The following MTERF4 variants were observed in gnomAD, a reference collection of about 807,000 sequenced individuals.
MTERF4 encodes the protein mitochondrial transcription termination factor 4.
MTERF4 carries 17 observed loss-of-function variants against 22.5 expected under a neutral mutation model. The ratio of observed to expected loss-of-function variants is 0.75; its 90% CI spans 0.52 to 1.13. The LOEUF (loss-of-function observed/expected upper bound fraction) is 1.13. Among genes scored for constraint, MTERF4 ranks in the 50% most tolerant of loss-of-function variants. MTERF4 has a pLI of 0.00. For synonymous variants in MTERF4, 165 were observed against 175.3 expected (o/e 0.94, Z 0.47); for missense variants, 420 against 466.8 (o/e 0.90, Z 0.92).
At chr2:241,071,806 C>T (rs1265273946), downstream of MTERF4, 3 of 1,597,328 alleles carry the variant, frequency 1.9e-6, no homozygotes, top group Non-Finnish European at 2.6e-6. Context: ...GTTCTCGGAG[C>T]TTGTGGACGG....
chr2:241,082,509 T>TC, downstream of MTERF4: 1 of 624,550 alleles, frequency 1.6e-6, no homozygotes, highest in Non-Finnish European at 2.9e-6. Context: ...ATCGATTCCC[T>TC]CCATGTCACA....
downstream of MTERF4, among the ~76,000 whole-genome samples, chr2:241,067,399 T>C (rs2062501789): frequency 6.6e-6 from 1 of 152,144 alleles, no homozygotes; most frequent in Non-Finnish European, 1.5e-5. Flanking sequence ...TAGACCAAAA[T>C]AGTCAACTGG....
downstream of MTERF4, chr2:241,090,251 C>A (rs1415037097): frequency 4.6e-6 from 7 of 1,511,604 alleles, no homozygotes; most frequent in Non-Finnish European, 6.2e-6. Flanking sequence ...AACTAAGACA[C>A]AAACACACAC....
intron 2 of MTERF4, among the ~76,000 whole-genome samples, chr2:241,098,703 GAC>G (rs1217561154): frequency 6.6e-6 from 1 of 152,216 alleles, no homozygotes; most frequent in Non-Finnish European, 1.5e-5. Flanking sequence ...ACATCACAGA[GAC>G]AGAGCACTAA....
chr2:241,101,337 A>AGACC, intron 1 of MTERF4: 1 of 329,892 alleles, frequency 3.0e-6, no homozygotes, highest in South Asian at 2.4e-5. Context: ...GTGAGAATCT[A>AGACC]AGGCGGCTGG....
chr2:241,096,078 T>A lies in MTERF4; in HGVS notation c.1066A>T (p.Asn356Tyr). The change falls in exon 4 of 4, where the codon AAT becomes TAT. Residue 356 changes from asparagine (N) to tyrosine (Y), a missense_variant. Transcript: ENST00000391980. The surrounding 1 kb of genome is among the most constrained non-coding windows in gnomAD (Gnocchi z 5.1). ...DDEEDNDEDDNDEDDDDEDDD... is the reference protein window; with the variant it reads ...DDEEDNDEDDYDEDDDDEDDD... ...TCCTCATCATCGTCATCCTCATCAT[T>A]GTCATCCTCATCATTGTCCTCCTCA... The A allele has an allele frequency of 6.2e-7, 1 of 1,602,616 alleles. No individual in the cohort carries two copies. Among genetic ancestry groups the A allele is most frequent in the Non-Finnish European group, 8.5e-7 (1 of 1,178,684 alleles).
exon 5 of MTERF4, chr2:241,074,158 T>A (rs1210684513): frequency 6.6e-6 from 1 of 152,264 alleles, no homozygotes; most frequent in Non-Finnish European, 1.5e-5. Flanking sequence ...GGTAAAGGTG[T>A]GAGCTGCTGA....
the MTERF4 span, among the ~76,000 whole-genome samples, chr2:241,044,250 G>A: frequency 6.6e-6 from 1 of 152,122 alleles, no homozygotes; most frequent in Non-Finnish European, 1.5e-5. Context: ...ACAAATAAAA[G>A]GCAAAGATTG....
the MTERF4 span, chr2:241,048,716 C>G: frequency 1.2e-6 from 2 of 1,612,990 alleles, no homozygotes; most frequent in Non-Finnish European, 1.7e-6. Flanking sequence ...GGCGCCAACA[C>G]CACCCTCTGC....
intron 4 of MTERF4, among the ~76,000 whole-genome samples, chr2:241,076,928 A>G (rs2125274987): frequency 6.6e-6 from 1 of 152,222 alleles, no homozygotes; most frequent in Middle Eastern, 3.4e-3. Context: ...AAATACAAAA[A>G]ATTAGCTGGG....
chr2:241,081,361 G>C (rs2063319454), intron 4 of MTERF4, among the ~76,000 whole-genome samples: 1 of 152,180 alleles, frequency 6.6e-6, no homozygotes, highest in Non-Finnish European at 1.5e-5. Flanking sequence ...TGGGGGCTCA[G>C]CACTGAAGGC....
intron 4 of MTERF4, among the ~76,000 whole-genome samples, chr2:241,081,343 C>A (rs1243480263): frequency 2.6e-5 from 4 of 152,170 alleles, no homozygotes; most frequent in African/African-American, 7.2e-5. Context: ...GGAGGGGCCA[C>A]AGGCCAGTGG....
At chr2:241,081,885 G>T in intron 4 of MTERF4, 3 of 960,898 alleles carry the variant, frequency 3.1e-6, no homozygotes, top group Non-Finnish European at 3.2e-6. Flanking sequence ...TGCCACGGGA[G>T]CCTCCAAACG....
At chr2:241,068,989 G>A (rs1405936619), downstream of MTERF4, 4 of 1,555,414 alleles carry the variant, frequency 2.6e-6, no homozygotes, top group Non-Finnish European at 3.5e-6. The surrounding 1 kb of genome is among the most constrained non-coding windows in gnomAD (Gnocchi z 5.3). Context: ...ACCCCACAGA[G>A]AGCCTGGCCA....
Position 241,102,244 on chromosome 2 carries a change from C to G in MTERF4, c.21+9G>C. ...CCCGGAGAAGCCCGCGCGCCCAGCT[C>G]GAGCTTACCTGACGGCCGAACGCAG... On this transcript the variant is annotated intron_variant, in intron 1 of 3. Coordinates refer to ENST00000391980, the MANE Select transcript of MTERF4 (RefSeq NM_182501.4). The G allele has an allele frequency of 1.9e-6, 3 of 1,549,286 alleles. No homozygotes were observed. Among genetic ancestry groups the G allele is most frequent in the Non-Finnish European group, 2.6e-6 (3 of 1,146,080 alleles).
chr2:241,063,573 C>G, the MTERF4 span: 2 of 1,572,836 alleles, frequency 1.3e-6, no homozygotes, highest in South Asian at 2.3e-5. Context: ...CCTTGACACC[C>G]CTTCTCTGTG....
chr2:241,068,755 G>C (rs979117830), downstream of MTERF4, among the ~76,000 whole-genome samples: 1 of 152,148 alleles, frequency 6.6e-6, no homozygotes, highest in Non-Finnish European at 1.5e-5. This position sits in a 1 kb window ranked among gnomAD's most constrained non-coding sequence, Gnocchi z 5.3. Flanking sequence ...GGCTCTGAGG[G>C]CCATGAGTCT....
At chr2:241,045,494 CCAAA>C in the MTERF4 span, among the ~76,000 whole-genome samples, 26 of 151,972 alleles carry the variant, frequency 1.7e-4, no homozygotes, top group Middle Eastern at 3.4e-3. Context: ...AGAATTAAGC[CCAAA>C]CAAATATAGC....
intron 2 of MTERF4, among the ~76,000 whole-genome samples, chr2:241,098,928 T>C (rs1190480223): frequency 6.6e-6 from 1 of 152,120 alleles, no homozygotes; most frequent in Non-Finnish European, 1.5e-5. Flanking sequence ...TCTCAAAATG[T>C]ATTCTGCACA....
Sources: allele counts gnomAD v4.1 joint callset (sites outside exome capture counted in the v4.1 genomes callset), GRCh38; gene constraint gnomAD v4.1.1; non-coding constraint Gnocchi (gnomAD v3.1); transcripts MANE v1.5; gene names NCBI Gene and HGNC (gene_info 2026-07-23, HGNC 2026-07-21).